The following CASZ1 variants were observed in gnomAD, a reference collection of about 807,000 sequenced individuals.
The protein encoded by CASZ1 is zinc finger protein castor homolog 1.
Under a neutral mutation model 135.2 loss-of-function variants are expected in CASZ1, and 28 were observed. That is an observed-to-expected ratio of 0.21 (90% CI 0.15 to 0.28). The LOEUF (loss-of-function observed/expected upper bound fraction) is 0.28, where lower values mean the gene tolerates loss of function less well. Ranked by LOEUF, CASZ1 falls within the 10% of genes least tolerant of loss-of-function variation. The probability of loss-of-function intolerance (pLI) is 1.00; values close to 1 mark genes in which losing one functional copy is unlikely to be tolerated. For synonymous variants in CASZ1, 1,068 were observed against 1,073.4 expected (o/e 0.99, Z 0.10); for missense variants, 2,161 against 2,453.3 (o/e 0.88, Z 2.52).
Position 10,638,945 on chromosome 1 carries a change from G to T in CASZ1, c.5277C>A (p.Pro1759=). 1.0e-6 allele frequency: 1 copy of T among 980,906 alleles called. No individual in the cohort carries two copies. The highest frequency in any genetic ancestry group is 4.6e-5 in the South Asian group (1 of 21,852). The allele number at this position is 980,906 out of a possible 1,614,324, so 60.8% of individuals were successfully genotyped here. ...CCAGGGCCACCCGCGGGCGCCGCTAGGGCGAGGAGGCTGCAGTGGGCGCGG... is the reference window on the plus strand; with the variant it reads ...CCAGGGCCACCCGCGGGCGCCGCTATGGCGAGGAGGCTGCAGTGGGCGCGG... ...PGPAPTAASS[P] The change falls in exon 21 of 21, where the codon CCC becomes CCA. Residue 1759 remains proline, a synonymous_variant. Coordinates refer to ENST00000377022, the MANE Select transcript of CASZ1 (RefSeq NM_001079843.3). The surrounding 1 kb of genome is among the most constrained non-coding windows in gnomAD (Gnocchi z 5.9).
Position 10,755,988 on chromosome 1 carries a change from G to A in CASZ1, c.-77+4713C>T, listed in dbSNP as rs1037437715. On this transcript the variant is annotated intron_variant, in intron 2 of 20. Transcript: ENST00000377022. This position sits in a 1 kb window ranked among gnomAD's most constrained non-coding sequence, Gnocchi z 4.3. Reference sequence around the variant, plus strand: ...CACGGATCTAGTGCAGACCATAGAGGCGGAAAGCAGAAAAACCTCCCACGC... The same window carrying A: ...CACGGATCTAGTGCAGACCATAGAGACGGAAAGCAGAAAAACCTCCCACGC... Among the ~76,000 whole-genome samples, 1 of 152,042 alleles carries A rather than the reference G, an allele frequency of 6.6e-6. No homozygotes were observed. The highest frequency in any genetic ancestry group is 1.5e-5 in the Non-Finnish European group (1 of 67,990).
chr1:10,745,134 C>T (rs976104815), intron 2 of CASZ1, among the ~76,000 whole-genome samples: 9 of 152,142 alleles, frequency 5.9e-5, no homozygotes, highest in East Asian at 1.9e-4. Flanking sequence ...CTGGGAGGAC[C>T]GATCCCCAAA....
rs2100290229 is a variant in CASZ1 at position 10,665,185 on chromosome 1, G to C, written c.403C>G (p.His135Asp). 1.3e-6 allele frequency: 2 copies of C among 1,571,814 alleles called. No individual in the cohort carries two copies. The highest frequency in any genetic ancestry group is 4.5e-5 in the East Asian group (2 of 44,262). ...CCGTCCTTGGAGGGCTCCTCCGCGT[G>C]GTCTTCCTCATCGCTGCACCCCTGG... ...QPQGCSDEED[H>D]AEEPSKDGGA... Residue 135 changes from histidine to aspartate, a missense_variant, in exon 5 of 21, where the codon CAC (histidine) becomes GAC (aspartate). His to Asp is a moderately conservative substitution (Grantham distance 81). Transcript: ENST00000377022.
intron 2 of CASZ1, among the ~76,000 whole-genome samples, chr1:10,748,410 C>G (rs779528909): frequency 6.6e-6 from 1 of 152,230 alleles, no homozygotes; most frequent in Non-Finnish European, 1.5e-5. Context: ...GCAGCAGTGA[C>G]CCCTCACTCA....
rs572824153 is a variant in CASZ1 at position 10,700,080 on chromosome 1, G to GACACACACAC, written c.-24+5402_-24+5411dup. On this transcript the variant is annotated intron_variant, in intron 3 of 20. Transcript: ENST00000377022. This position sits in a 1 kb window ranked among gnomAD's most constrained non-coding sequence, Gnocchi z 4.2. ...AGACAGAGAGAGAAAGAGAGATAGA[G>GACACACACAC]ACACACACACACACACACACACACA... Among the ~76,000 whole-genome samples the GACACACACAC allele has an allele frequency of 0.019, 2,597 of 134,052 alleles. 59 individuals are homozygous for GACACACACAC. Among genetic ancestry groups the GACACACACAC allele is most frequent in the East Asian group, 0.066 (296 of 4,454 alleles). 87.9% of individuals were successfully genotyped at this position (134,052 alleles called of 152,430 possible).
At chr1:10,749,029 C>T (rs1339308684) in intron 2 of CASZ1, among the ~76,000 whole-genome samples, 3 of 152,150 alleles carry the variant, frequency 2.0e-5, no homozygotes, top group South Asian at 2.1e-4. Context: ...AGGAGCCCTG[C>T]GGCTGCTGCG....
intron 1 of CASZ1, among the ~76,000 whole-genome samples, chr1:10,761,692 C>T (rs1360790601): frequency 1.3e-5 from 2 of 152,224 alleles, no homozygotes; most frequent in Non-Finnish European, 2.9e-5. Flanking sequence ...GTTTGCGTTT[C>T]AACTTCAAAC....
rs760546525 is a variant in CASZ1 at position 10,647,754 on chromosome 1, C to T, written c.3497+47G>A. The T allele has an allele frequency of 1.5e-4, 241 of 1,609,056 alleles. No homozygotes were observed. Among genetic ancestry groups the T allele is most frequent in the Non-Finnish European group, 1.9e-4 (224 of 1,179,864 alleles). On this transcript the variant is annotated intron_variant, in intron 16 of 20. Coordinates refer to ENST00000377022, the MANE Select transcript of CASZ1 (RefSeq NM_001079843.3). The surrounding 1 kb of genome is among the most constrained non-coding windows in gnomAD (Gnocchi z 4.9). ...TAGCGCCCTTGCTAGCACCTACTCC[C>T]GAGACGCGAGGGGAACGCGGGACTC...
chr1:10,795,961 C>T (rs1412925484), intron 1 of CASZ1, among the ~76,000 whole-genome samples: 3 of 151,980 alleles, frequency 2.0e-5, no homozygotes, highest in African/African-American at 7.2e-5. Flanking sequence ...CCACCCACCC[C>T]TTCCCATGGG....
At chr1:10,681,820 A>C (rs1638432717) in intron 4 of CASZ1, among the ~76,000 whole-genome samples, 1 of 150,460 alleles carries the variant, frequency 6.6e-6, no homozygotes, top group African/African-American at 2.5e-5. Context: ...TGGGGTGGGG[A>C]CTCCCTGGGT....
chr1:10,778,497 C>T (rs1640701958), intron 1 of CASZ1, among the ~76,000 whole-genome samples: 1 of 152,124 alleles, frequency 6.6e-6, no homozygotes, highest in South Asian at 2.1e-4. Context: ...CAGTCTCAAA[C>T]ACAGTCACTC....
Position 10,646,074 on chromosome 1 carries a change from C to T in CASZ1, c.3696+54G>A. 1 of 1,565,200 alleles carries T rather than the reference C, an allele frequency of 6.4e-7. No homozygotes were observed. The highest frequency in any genetic ancestry group is 8.8e-7 in the Non-Finnish European group (1 of 1,138,326). ...TGACTGTCCTGTGCCCTGAGCTAGCCCTGCACCTCCCTGCCCCCTACTCTG... is the reference window on the plus strand; with the variant it reads ...TGACTGTCCTGTGCCCTGAGCTAGCTCTGCACCTCCCTGCCCCCTACTCTG... On this transcript the variant is annotated intron_variant, in intron 17 of 20. Transcript: ENST00000377022. This position sits in a 1 kb window ranked among gnomAD's most constrained non-coding sequence, Gnocchi z 6.4.
intron 1 of CASZ1, among the ~76,000 whole-genome samples, chr1:10,775,796 G>C (rs1372366514): frequency 6.6e-6 from 1 of 152,164 alleles, no homozygotes; most frequent in Non-Finnish European, 1.5e-5. Context: ...GAAGCCCTGA[G>C]GTCTGTGGCC....
At position 10,647,678 on chromosome 1, in the gene CASZ1, C is replaced by T. The variant is rs1167776405; in HGVS notation, c.3497+123G>A. 5 of 1,517,030 alleles carry T rather than the reference C, an allele frequency of 3.3e-6. No individual in the cohort carries two copies. In the African/African-American group the frequency reaches 5.5e-5, roughly 17 times the overall value. The allele number at this position is 1,517,030 out of a possible 1,614,324, so 94.0% of individuals were successfully genotyped here. ...AAGGACATCACCCGATGGCCATGCCCCAGAGAGGCTGGGGACAGCAGCACC... is the reference window on the plus strand; with the variant it reads ...AAGGACATCACCCGATGGCCATGCCTCAGAGAGGCTGGGGACAGCAGCACC... On this transcript the variant is annotated intron_variant, in intron 16 of 20. Transcript: ENST00000377022. The surrounding 1 kb of genome is among the most constrained non-coding windows in gnomAD (Gnocchi z 4.9).
intron 1 of CASZ1, among the ~76,000 whole-genome samples, chr1:10,770,491 C>T (rs1296647963): frequency 1.3e-5 from 2 of 152,182 alleles, no homozygotes; most frequent in East Asian, 3.8e-4. Flanking sequence ...GGAGGTAATT[C>T]CTTTTTTCCC....
At chr1:10,704,550 C>G (rs1348682905) in intron 3 of CASZ1, 2 of 152,250 alleles carry the variant, frequency 1.3e-5, no homozygotes, top group African/African-American at 4.8e-5. Flanking sequence ...AATCTCCTCC[C>G]TTCTCCGTCC....
chr1:10,781,967 C>T (rs1204008620), intron 1 of CASZ1, among the ~76,000 whole-genome samples: 1 of 152,226 alleles, frequency 6.6e-6, no homozygotes, highest in Non-Finnish European at 1.5e-5. Flanking sequence ...AACAAGCAGA[C>T]TCCACCAGCC....
At chr1:10,688,901 AC>A (rs1570478475) in intron 4 of CASZ1, among the ~76,000 whole-genome samples, 2 of 151,848 alleles carry the variant, frequency 1.3e-5, no homozygotes, top group African/African-American at 4.8e-5. Context: ...TGGCCCAGCT[AC>A]CCCAGAACAG....
chr1:10,719,712 C>A lies in CASZ1; in HGVS notation c.-76-14168G>T, dbSNP rs767530862. Among the ~76,000 whole-genome samples, 9 of 152,196 alleles carry A rather than the reference C, an allele frequency of 5.9e-5. No homozygotes were observed. The highest frequency in any genetic ancestry group is 1.2e-4 in the Non-Finnish European group (8 of 68,042). ...GAAGCCCGTGGGTCCCAGAGCCTGG[C>A]ACAGTGAGAGAAGAGGCAGCAGGGT... On this transcript the variant is annotated intron_variant, in intron 2 of 20. Transcript: ENST00000377022. The surrounding 1 kb of genome is among the most constrained non-coding windows in gnomAD (Gnocchi z 4.0).
Sources: gnomAD v4.1 joint callset for allele counts (sites outside exome capture counted in the v4.1 genomes callset) on GRCh38, gnomAD v4.1.1 for gene constraint, Gnocchi (gnomAD v3.1) non-coding constraint, MANE v1.5 for transcripts, NCBI Gene and HGNC (gene_info 2026-07-23, HGNC 2026-07-21) for gene names.